Variants in GRK5 observed in about 807,000 individuals in gnomAD.
GRK5 encodes the protein G protein-coupled receptor kinase 5, also known as g protein-coupled receptor kinase GRK5.
A neutral mutation model predicts 78.4 loss-of-function variants in GRK5; 40 were observed. That is an observed-to-expected ratio of 0.51 (90% CI 0.40 to 0.66). The LOEUF (loss-of-function observed/expected upper bound fraction) is 0.66. Among genes scored for constraint, GRK5 ranks in the 30% least tolerant of loss-of-function variants. The pLI is 0.00. For synonymous variants in GRK5, 289 were observed against 296.8 expected (o/e 0.97, Z 0.27); for missense variants, 598 against 759.9 (o/e 0.79, Z 2.50).
At chr10:119,343,694 G>T (rs1294758691) in intron 2 of GRK5, among the ~76,000 whole-genome samples, 1 of 152,206 alleles carries the variant, frequency 6.6e-6, no homozygotes, top group Non-Finnish European at 1.5e-5. Flanking sequence ...AGGCTGGGTT[G>T]GGCCCGGGAC....
chr10:119,240,223 C>T (rs1448202659), intron 1 of GRK5, among the ~76,000 whole-genome samples: 67 of 91,440 alleles, frequency 7.3e-4, no homozygotes, highest in African/African-American at 2.9e-3. Context: ...TTTTTTGAGA[C>T]GGAGTCTCAC....
chr10:119,363,219 T>C (rs1851393086), intron 2 of GRK5, among the ~76,000 whole-genome samples: 1 of 150,960 alleles, frequency 6.6e-6, no homozygotes, highest in Non-Finnish European at 1.5e-5. Context: ...AAGCAGAGGT[T>C]GCGGTGAGCC....
intron 4 of GRK5, among the ~76,000 whole-genome samples, chr10:119,409,628 C>T (rs906344359): frequency 1.3e-5 from 2 of 152,142 alleles, no homozygotes; most frequent in African/African-American, 2.4e-5. Flanking sequence ...CATCCGTGGA[C>T]CTTGGGCAGA....
At chr10:119,249,284 AC>A (rs1725729177) in intron 1 of GRK5, among the ~76,000 whole-genome samples, 1 of 151,592 alleles carries the variant, frequency 6.6e-6, no homozygotes, top group South Asian at 2.1e-4. Context: ...AAAACAAAAA[AC>A]GAAAAACAAA....
intron 1 of GRK5, among the ~76,000 whole-genome samples, chr10:119,324,091 A>G (rs1018438771): frequency 6.6e-6 from 1 of 152,214 alleles, no homozygotes; most frequent in South Asian, 2.1e-4. Context: ...TGCTCCCGTC[A>G]TGGCTGCCGC....
chr10:119,213,071 T>C (rs968884181), intron 1 of GRK5: 6 of 152,250 alleles, frequency 3.9e-5, no homozygotes, highest in African/African-American at 1.4e-4. Context: ...AAAAACTCCA[T>C]GCTGATCAGC....
chr10:119,260,618 T>C (rs555191386), intron 1 of GRK5, among the ~76,000 whole-genome samples: 2 of 152,018 alleles, frequency 1.3e-5, no homozygotes, highest in Non-Finnish European at 2.9e-5. Context: ...TTAACCAGCA[T>C]GCTGCCTTCA....
intron 1 of GRK5, among the ~76,000 whole-genome samples, chr10:119,243,023 A>G (rs1849051265): frequency 6.6e-6 from 1 of 152,092 alleles, no homozygotes; most frequent in Non-Finnish European, 1.5e-5. Context: ...CGGATCACCT[A>G]AGGTCAGGAG....
At chr10:119,388,060 C>T (rs76561139) in intron 3 of GRK5, among the ~76,000 whole-genome samples, 1 of 151,992 alleles carries the variant, frequency 6.6e-6, no homozygotes, top group African/African-American at 2.4e-5. Context: ...AAAGCGAATC[C>T]TCCCACCTCA....
In GRK5 at chr10:119,431,407, G is replaced by A. The variant is rs1852814364; in HGVS notation, c.618G>A (p.Arg206=). The A allele has an allele frequency of 1.9e-6, 3 of 1,613,740 alleles. No homozygotes were observed. The highest frequency in any genetic ancestry group is 1.7e-6 in the Non-Finnish European group (2 of 1,179,840). ...GFGEVCACQV[R]ATGKMYACKR... ...TGCAGGTCTGTGCCTGCCAGGTTCG[G>A]GCCACGGGTAAAATGTATGCCTGCA... Residue 206 remains arginine (R), a synonymous_variant, in exon 8 of 16, where the codon CGG becomes CGA. Transcript: ENST00000392870. This position sits in a 1 kb window ranked among gnomAD's most constrained non-coding sequence, Gnocchi z 4.8.
chr10:119,335,345 C>G (rs764406614), intron 2 of GRK5, among the ~76,000 whole-genome samples: 20 of 152,062 alleles, frequency 1.3e-4, no homozygotes, highest in Non-Finnish European at 2.2e-4. Context: ...GTGTGAGCCA[C>G]TCTGCCCAAC....
chr10:119,420,612 C>T (rs181492219), intron 4 of GRK5, among the ~76,000 whole-genome samples: 5 of 149,792 alleles, frequency 3.3e-5, no homozygotes, highest in African/African-American at 1.2e-4. Context: ...AGGGTCTCAC[C>T]GTGTTGCCTA....
chr10:119,344,487 G>T (rs953620195), intron 2 of GRK5, among the ~76,000 whole-genome samples: 1 of 152,162 alleles, frequency 6.6e-6, no homozygotes, highest in African/African-American at 2.4e-5. Flanking sequence ...ACGCCCGGTC[G>T]CAGGATGTCT....
chr10:119,399,846 C>T (rs1852119825), intron 4 of GRK5, among the ~76,000 whole-genome samples: 1 of 152,198 alleles, frequency 6.6e-6, no homozygotes, highest in Non-Finnish European at 1.5e-5. Flanking sequence ...TTTCCTGGGA[C>T]CTCTCCTGTG....
In GRK5 at chr10:119,298,568, G is replaced by C. The variant is rs116665951; in HGVS notation, c.53-27948G>C. Reference sequence around the variant, plus strand: ...TGCTAGTGTTGTTTTTGTTCTCTCTGAATGTGCTCTGCCTTTTCACCCTGC... The same window carrying C: ...TGCTAGTGTTGTTTTTGTTCTCTCTCAATGTGCTCTGCCTTTTCACCCTGC... On this transcript the variant is annotated intron_variant, in intron 1 of 15. Transcript: ENST00000392870. Among the ~76,000 whole-genome samples the C allele has an allele frequency of 5.4e-3, 821 of 152,228 alleles. 15 individuals are homozygous for C. The highest frequency in any genetic ancestry group is 0.019 in the African/African-American group (793 of 41,534).
intron 1 of GRK5, among the ~76,000 whole-genome samples, chr10:119,323,133 G>A (rs533252427): frequency 5.3e-5 from 8 of 152,274 alleles, no homozygotes; most frequent in Middle Eastern, 3.4e-3. Flanking sequence ...AGAGGTTGCC[G>A]GGAGCTAGGA....
intron 2 of GRK5, among the ~76,000 whole-genome samples, chr10:119,351,579 C>T (rs1196192549): frequency 6.6e-6 from 1 of 152,136 alleles, no homozygotes; most frequent in African/African-American, 2.4e-5. Flanking sequence ...TCCATTAAAC[C>T]TCTTTTTCCT....
chr10:119,363,429 G>T (rs1229409151), intron 2 of GRK5, among the ~76,000 whole-genome samples: 1 of 152,146 alleles, frequency 6.6e-6, no homozygotes, highest in East Asian at 1.9e-4. Flanking sequence ...CTGAGAAAAG[G>T]TCATGCAGCT....
chr10:119,249,185 A>C (rs4751704), intron 1 of GRK5, among the ~76,000 whole-genome samples: 151,134 of 152,146 alleles, frequency 0.99, 75,076 homozygotes, highest in Non-Finnish European at 1. Context: ...ACAGGAGAAT[A>C]ACTTGAACCC....
Sources: allele counts gnomAD v4.1 joint callset (sites outside exome capture counted in the v4.1 genomes callset), GRCh38; gene constraint gnomAD v4.1.1; non-coding constraint Gnocchi (gnomAD v3.1); transcripts MANE v1.5; gene names NCBI Gene and HGNC (gene_info 2026-07-23, HGNC 2026-07-21).